The following DOCK8 variants were observed in gnomAD, a reference collection of about 807,000 sequenced individuals.
DOCK8 encodes the protein dedicator of cytokinesis protein 8.
In DOCK8, 141 loss-of-function variants were observed where a neutral mutation model predicts 245.6. That is an observed-to-expected ratio of 0.57 (90% CI 0.50 to 0.66). The LOEUF is 0.66. DOCK8 is among the 30% of genes least tolerant of loss of function. The pLI is 0.00. For missense variants in DOCK8, 2,965 were observed against 2,603.4 expected (o/e 1.14, Z -3.02); for synonymous variants, 1,168 against 970.2 (o/e 1.20, Z -3.79).
chr9:436,968 AGAAACT>A (rs1461905491), intron 39 of DOCK8, among the ~76,000 whole-genome samples: 1 of 152,224 alleles, frequency 6.6e-6, no homozygotes, highest in East Asian at 1.9e-4. Context: ...GGAAGGCAGA[AGAAACT>A]GAAGTGTGAG....
intron 7 of DOCK8, among the ~76,000 whole-genome samples, chr9:322,848 T>C (rs1172216079): frequency 2.0e-5 from 3 of 152,058 alleles, no homozygotes; most frequent in African/African-American, 7.2e-5. Context: ...ATCCCAGTAC[T>C]TTGGGAGGCT....
At chr9:316,160 G>T (rs1232266159) in intron 6 of DOCK8, among the ~76,000 whole-genome samples, 1 of 152,202 alleles carries the variant, frequency 6.6e-6, no homozygotes, top group Admixed American at 6.5e-5. Flanking sequence ...TAAGCTTGCT[G>T]TGGGGTATTC....
At chr9:311,404 C>A (rs2050107105) in intron 5 of DOCK8, among the ~76,000 whole-genome samples, 1 of 150,762 alleles carries the variant, frequency 6.6e-6, no homozygotes, top group African/African-American at 2.4e-5. Context: ...GCCACCATGC[C>A]TGGCTAAGTT....
intron 33 of DOCK8, among the ~76,000 whole-genome samples, chr9:424,159 C>A (rs554730722): frequency 4.0e-5 from 6 of 151,816 alleles, no homozygotes; most frequent in African/African-American, 1.4e-4. Context: ...TGTCTTTCAC[C>A]CTCTTTCTGA....
chr9:411,451 A>G (rs1249983715), intron 28 of DOCK8, among the ~76,000 whole-genome samples: 3 of 152,002 alleles, frequency 2.0e-5, no homozygotes, highest in Non-Finnish European at 2.9e-5. Flanking sequence ...TTAAAATTTA[A>G]AACTTCCTAC....
At chr9:286,692 A>T (rs1563877415) in intron 3 of DOCK8, 56 bp downstream of exon 3, 1 of 1,558,004 alleles carries the variant, frequency 6.4e-7, no homozygotes, top group African/African-American at 1.4e-5. Context: ...TGTTTTCAAT[A>T]AGTGGGTAGG....
chr9:391,567 C>G (rs185643819), intron 24 of DOCK8, among the ~76,000 whole-genome samples: 26 of 152,202 alleles, frequency 1.7e-4, no homozygotes, highest in African/African-American at 5.8e-4. Flanking sequence ...ATAGTGATAA[C>G]TATTTTTTTG....
intron 41 of DOCK8, 147 bp downstream of exon 41, chr9:441,564 A>C: frequency 7.7e-7 from 1 of 1,299,508 alleles, no homozygotes; most frequent in East Asian, 2.5e-5. Context: ...AAAGGGCTGA[A>C]ATTCTTCTAA....
chr9:348,952 G>A (rs1586765039), intron 14 of DOCK8, among the ~76,000 whole-genome samples: 1 of 152,300 alleles, frequency 6.6e-6, no homozygotes, highest in Non-Finnish European at 1.5e-5. Context: ...TAAAGCAGAG[G>A]TATTTTAACA....
At chr9:357,586 CA>C (rs1366085209) in intron 14 of DOCK8, among the ~76,000 whole-genome samples, 3 of 145,636 alleles carry the variant, frequency 2.1e-5, no homozygotes, top group African/African-American at 8.4e-5. Context: ...AATTTGATAC[CA>C]TTTTTTTTTT....
At chr9:224,212 A>C (rs1272672622) in intron 1 of DOCK8, among the ~76,000 whole-genome samples, 1 of 152,174 alleles carries the variant, frequency 6.6e-6, no homozygotes, top group Non-Finnish European at 1.5e-5. Context: ...TTACTCCTTA[A>C]TATTATAACC....
chr9:285,137 A>G (rs1210948247), intron 2 of DOCK8, among the ~76,000 whole-genome samples: 3 of 152,112 alleles, frequency 2.0e-5, no homozygotes, highest in Non-Finnish European at 4.4e-5. Context: ...TATTTTGCCT[A>G]ATTTGCAGCT....
chr9:391,509 A>T lies in DOCK8; in HGVS notation c.2970+943A>T, dbSNP rs377053297. Reference sequence around the variant, plus strand: ...AACTTCTACCATTACTCGAGCAGAAAAGCAAAAGGTATAGCCATAATACCT... The same window carrying T: ...AACTTCTACCATTACTCGAGCAGAATAGCAAAAGGTATAGCCATAATACCT... On this transcript the variant is annotated intron_variant, in intron 24 of 47. Transcript: ENST00000432829. Among the ~76,000 whole-genome samples the T allele has an allele frequency of 1.7e-4, 26 of 152,306 alleles. No homozygotes were observed. In the South Asian group the frequency reaches 5.2e-3, roughly 30 times the overall value.
intron 2 of DOCK8, among the ~76,000 whole-genome samples, chr9:273,625 A>G (rs987026655): frequency 5.3e-5 from 8 of 152,092 alleles, no homozygotes; most frequent in African/African-American, 1.9e-4. Flanking sequence ...CATCACTCCT[A>G]AGAGACGTTA....
chr9:386,583 T>G (rs2053965656), intron 23 of DOCK8, among the ~76,000 whole-genome samples, 157 bp downstream of exon 23: 1 of 152,306 alleles, frequency 6.6e-6, no homozygotes, highest in Middle Eastern at 3.4e-3. Context: ...AGCCCTGTCC[T>G]TTACGCCACA....
intron 33 of DOCK8, among the ~76,000 whole-genome samples, chr9:426,071 A>G (rs957472101): frequency 2.6e-5 from 4 of 152,102 alleles, no homozygotes; most frequent in East Asian, 1.9e-4. Context: ...GGTAAAGTCA[A>G]TTCTTCATAC....
At chr9:456,043 TA>T (rs2057630505) in intron 46 of DOCK8, among the ~76,000 whole-genome samples, 1 of 152,200 alleles carries the variant, frequency 6.6e-6, no homozygotes, top group African/African-American at 2.4e-5. Context: ...TATTCATCTC[TA>T]TGTGCAAACA....
chr9:330,356 CAT>C (rs546762235), intron 9 of DOCK8, among the ~76,000 whole-genome samples: 75 of 152,224 alleles, frequency 4.9e-4, no homozygotes, highest in African/African-American at 1.6e-3. Context: ...GTAAGGGCCA[CAT>C]AGTTTGAGAA....
At chr9:299,817 C>T (rs1483691357) in intron 4 of DOCK8, among the ~76,000 whole-genome samples, 1 of 151,602 alleles carries the variant, frequency 6.6e-6, no homozygotes, top group Non-Finnish European at 1.5e-5. Context: ...GTCAGGAGAT[C>T]GAGACCATCC....
Sources: gnomAD v4.1 joint callset for allele counts (sites outside exome capture counted in the v4.1 genomes callset) on GRCh38, gnomAD v4.1.1 for gene constraint, MANE v1.5 for transcripts, NCBI Gene and HGNC (gene_info 2026-07-23, HGNC 2026-07-21) for gene names.